The following ABCA9 variants were observed in gnomAD, a reference collection of about 807,000 sequenced individuals.
ABCA9 encodes the protein ATP-binding cassette sub-family A member 9.
A neutral mutation model predicts 205.3 loss-of-function variants in ABCA9; 183 were observed. The ratio of observed to expected loss-of-function variants is 0.89; its 90% CI spans 0.79 to 1.01. ABCA9 has a LOEUF of 1.01. Among genes scored for constraint, ABCA9 ranks in the 50% least tolerant of loss-of-function variants. ABCA9 has a pLI of 0.00. For synonymous variants in ABCA9, 651 were observed against 683.3 expected, an observed-to-expected ratio of 0.95 and a Z score of 0.74; for missense variants, 1,805 against 1,912.4, an observed-to-expected ratio of 0.94 and a Z score of 1.05.
intron 6 of ABCA9, among the ~76,000 whole-genome samples, chr17:69,041,414 T>A (rs2071531721): frequency 6.6e-6 from 1 of 152,148 alleles, no homozygotes; most frequent in South Asian, 2.1e-4. Flanking sequence ...TATCATTTTT[T>A]AAAAAATAGG....
At chr17:69,004,958 C>G (rs186734037) in intron 25 of ABCA9, among the ~76,000 whole-genome samples, 45 of 152,358 alleles carry the variant, frequency 3.0e-4, no homozygotes, top group African/African-American at 1.0e-3. Context: ...CCGAGTGAGG[C>G]AATGCCTCGC....
At chr17:69,050,830 A>T (rs1185646404) in intron 2 of ABCA9, among the ~76,000 whole-genome samples, 1 of 152,224 alleles carries the variant, frequency 6.6e-6, no homozygotes, top group Non-Finnish European at 1.5e-5. Flanking sequence ...GTAAGACATA[A>T]AACAATAATA....
intron 28 of ABCA9, 51 bp from the exon 29 acceptor site, chr17:68,991,008 A>G (rs2069433278): frequency 6.3e-7 from 1 of 1,576,166 alleles, no homozygotes; most frequent in Non-Finnish European, 8.6e-7. Flanking sequence ...AAAATCTTGT[A>G]TCAAAATTAA....
At chr17:68,986,011 A>G (rs1210282445) in intron 32 of ABCA9, among the ~76,000 whole-genome samples, 153 bp downstream of exon 32, 1 of 152,222 alleles carries the variant, frequency 6.6e-6, no homozygotes, top group Non-Finnish European at 1.5e-5. Context: ...GCTCAAAGTG[A>G]GAGAAAACAA....
chr17:69,011,842 A>G (rs1176654766), intron 23 of ABCA9, 134 bp downstream of exon 23: 2 of 504,378 alleles, frequency 4.0e-6, no homozygotes, highest in African/African-American at 4.0e-5. Flanking sequence ...GACAATTATT[A>G]TTAAAGTGCT....
At chr17:69,043,239 TA>T (rs1404136742) in intron 6 of ABCA9, 2 of 393,270 alleles carry the variant, frequency 5.1e-6, no homozygotes, top group Non-Finnish European at 9.1e-6. Flanking sequence ...GATACTCTAA[TA>T]ACGTGGCTAT....
chr17:68,983,232 AAG>A (rs1449614325), intron 36 of ABCA9, among the ~76,000 whole-genome samples: 4 of 152,176 alleles, frequency 2.6e-5, no homozygotes, highest in Non-Finnish European at 5.9e-5. Context: ...TCTTAGTGAG[AAG>A]AGAGTAGCAT....
At chr17:69,062,443 A>G (rs962550839), upstream of ABCA9, among the ~76,000 whole-genome samples, 5 of 152,114 alleles carry the variant, frequency 3.3e-5, no homozygotes, top group Admixed American at 6.5e-5. Context: ...GCACTATAAC[A>G]GAGCAAGCTC....
At chr17:69,055,756 A>G (rs1007932935) in intron 1 of ABCA9, among the ~76,000 whole-genome samples, 2 of 152,200 alleles carry the variant, frequency 1.3e-5, no homozygotes, top group African/African-American at 2.4e-5. Flanking sequence ...AGATAGACCA[A>G]TTTTGAGCCA....
intron 1 of ABCA9, among the ~76,000 whole-genome samples, chr17:69,060,521 A>G (rs2072208496): frequency 6.6e-6 from 1 of 151,920 alleles, no homozygotes; most frequent in Admixed American, 6.5e-5. Context: ...AGTAAAATTA[A>G]AAACAAACAA....
rs763108698 is a variant in ABCA9, at chr17:69,045,311, A to C, written c.330T>G (p.Asp110Glu). 4.3e-6 allele frequency: 7 copies of C among 1,612,438 alleles called. No homozygotes were observed. In the Admixed American group the frequency reaches 8.4e-5, roughly 19 times the overall value. The change falls in exon 4 of 39, where the codon GAT (aspartate) becomes GAG (glutamate). Residue 110 changes from aspartate to glutamate, a missense_variant. Asp to Glu is a conservative substitution (Grantham distance 45). Coordinates refer to ENST00000340001, the MANE Select transcript of ABCA9 (RefSeq NM_080283.4). ...LKGRTIMGWP[D>E]EKSMDELDLN... Reference sequence around the variant, plus strand: ...AATCCAATTCATCCATGCTTTTTTCATCAGGCCACCCCATGATTGTTCTTC... The same window carrying C: ...AATCCAATTCATCCATGCTTTTTTCCTCAGGCCACCCCATGATTGTTCTTC...
In ABCA9 at chr17:68,989,091, T is replaced by C. The variant is rs138149682; in HGVS notation, c.3983A>G (p.Asn1328Ser). 1.2e-6 allele frequency: 2 copies of C among 1,613,172 alleles called. No individual in the cohort carries two copies. The highest frequency in any genetic ancestry group is 2.2e-5 in the East Asian group (1 of 44,848). ...AATAGTTGTACTTTTACCAGCTCCA[T>C]TGTGTCCTAACAGTCCTATAACTTC... ...KGEVIGLLGH[N>S]GAGKSTTIKM... The change falls in exon 31 of 39, where the codon AAT (asparagine) becomes AGT (serine). Residue 1328 changes from asparagine (N) to serine (S), a missense_variant. By Grantham distance (46) the Asn-to-Ser change is conservative. Coordinates refer to ENST00000340001, the MANE Select transcript of ABCA9 (RefSeq NM_080283.4).
Position 69,024,312 on chromosome 17 carries a change from G to A in ABCA9, c.2183C>T (p.Ser728Leu). Residue 728 changes from serine to leucine, a missense_variant, in exon 17 of 39, where the codon TCA becomes TTA. Transcript: ENST00000340001. ...ATCAGAGATGTGCTGCTTAACCAGT[G>A]ATGTTATACTCTCTGGATCACACCT... ...NERCDPESITSLVKQHISDAK... is the reference protein window; with the variant it reads ...NERCDPESITLLVKQHISDAK... The A allele has an allele frequency of 6.2e-7, 1 of 1,612,124 alleles. No homozygotes were observed. The highest frequency in any genetic ancestry group is 8.5e-7 in the Non-Finnish European group (1 of 1,178,866).
At chr17:68,984,738 G>T in intron 34 of ABCA9, 147 bp downstream of exon 34, 1 of 1,060,252 alleles carries the variant, frequency 9.4e-7, no homozygotes, top group Non-Finnish European at 1.3e-6. Flanking sequence ...AAAGCTGGTT[G>T]TGATTTGAAA....
At chr17:68,993,136 G>A in intron 26 of ABCA9, 52 bp from the exon 27 acceptor site, 5 of 1,471,088 alleles carry the variant, frequency 3.4e-6, no homozygotes, top group Non-Finnish European at 4.7e-6. Flanking sequence ...ATTTATTCAT[G>A]GAATTTATCC....
intron 38 of ABCA9, 44 bp from the exon 39 acceptor site, chr17:68,976,057 C>A (rs2068884227): frequency 6.2e-7 from 1 of 1,604,682 alleles, no homozygotes; most frequent in Non-Finnish European, 8.5e-7. Context: ...CAATGCCATA[C>A]TGCCTCCTGC....
chr17:69,064,758 G>A (rs975863878), upstream of ABCA9, among the ~76,000 whole-genome samples: 4 of 152,142 alleles, frequency 2.6e-5, no homozygotes, highest in Admixed American at 6.5e-5. Flanking sequence ...ATAGGTGTTT[G>A]TAAATTTTAC....
At chr17:68,987,431 T>C (rs754126859) in intron 31 of ABCA9, among the ~76,000 whole-genome samples, 6 of 152,246 alleles carry the variant, frequency 3.9e-5, no homozygotes, top group Non-Finnish European at 8.8e-5. Flanking sequence ...AGGAAATAGA[T>C]ATGCTAAAGA....
intron 23 of ABCA9, among the ~76,000 whole-genome samples, chr17:69,010,805 A>G (rs935896687): frequency 3.3e-5 from 5 of 152,216 alleles, no homozygotes; most frequent in Non-Finnish European, 5.9e-5. Context: ...TAAAGGAGAT[A>G]AAGAGACAAC....
Sources: allele counts gnomAD v4.1 joint callset (sites outside exome capture counted in the v4.1 genomes callset), GRCh38; gene constraint gnomAD v4.1.1; transcripts MANE v1.5; gene names NCBI Gene and HGNC (gene_info 2026-07-23, HGNC 2026-07-21).